Variants in HAPLN1 observed in about 807,000 individuals in gnomAD.
The protein encoded by HAPLN1 is Cartilage link protein.
Under a neutral mutation model 36.5 loss-of-function variants are expected in HAPLN1, and 13 were observed. The ratio of observed to expected loss-of-function variants is 0.36; its 90% CI spans 0.23 to 0.57. HAPLN1 has a LOEUF of 0.57. Ranked by LOEUF, HAPLN1 falls within the 20% of genes least tolerant of loss-of-function variation. The probability of loss-of-function intolerance (pLI) is 0.83; values close to 1 mark genes in which losing one functional copy is unlikely to be tolerated. For missense variants in HAPLN1, 407 were observed against 439.7 expected (o/e 0.93, Z 0.66); for synonymous variants, 202 against 169.8 (o/e 1.19, Z -1.48).
intron 1 of HAPLN1, among the ~76,000 whole-genome samples, chr5:83,676,185 C>G (rs71594677): frequency 1.0e-5 from 1 of 97,930 alleles, no homozygotes; most frequent in South Asian, 2.8e-4. Flanking sequence ...CACAGAGATA[C>G]GCACACATAT....
At chr5:83,684,774 A>C (rs1751083409) in intron 1 of HAPLN1, among the ~76,000 whole-genome samples, 1 of 152,148 alleles carries the variant, frequency 6.6e-6, no homozygotes, top group Non-Finnish European at 1.5e-5. Context: ...TTCCTAGTGC[A>C]ATCAGGCATT....
chr5:83,715,002 G>A (rs2112642046), intron 1 of HAPLN1, among the ~76,000 whole-genome samples: 1 of 152,336 alleles, frequency 6.6e-6, no homozygotes, highest in Non-Finnish European at 1.5e-5. Context: ...TCAGCTGAAA[G>A]GAGCCAGTAG....
rs1485579241 is a variant in HAPLN1, at chr5:83,640,440, G to T, written c.*1056C>A. The T allele has an allele frequency of 6.6e-6, 1 of 152,026 alleles. No homozygotes were observed. Among genetic ancestry groups the T allele is most frequent in the Non-Finnish European group, 1.5e-5 (1 of 67,996 alleles). The allele number at this position is 152,026 out of a possible 1,614,324, so 9.4% of individuals were successfully genotyped here. ...TCCCCCCAAACACAGGCACTGGTTGGGTTCTCTCGTGTATATACAAATAGG... is the reference window on the plus strand; with the variant it reads ...TCCCCCCAAACACAGGCACTGGTTGTGTTCTCTCGTGTATATACAAATAGG... On this transcript the variant is annotated 3_prime_UTR_variant, in exon 5 of 5. Transcript: ENST00000274341.
Position 83,640,405 on chromosome 5 carries a change from T to A in HAPLN1, c.*1091A>T, listed in dbSNP as rs933782829. 5 of 152,128 alleles carry A rather than the reference T, an allele frequency of 3.3e-5. No individual in the cohort carries two copies. The highest frequency in any genetic ancestry group is 1.2e-4 in the African/African-American group (5 of 41,452). 9.4% of individuals were successfully genotyped at this position (152,128 alleles called of 1,614,324 possible). The stretch of plus-strand genomic sequence containing the variant: ...TTTGGGATAAGGTTTAGAACTACAC[T>A]GTTGACTTTTCCCCCCAAACACAGG... On this transcript the variant is annotated 3_prime_UTR_variant, in exon 5 of 5. Transcript: ENST00000274341.
chr5:83,690,525 G>T (rs1387438055), intron 1 of HAPLN1, among the ~76,000 whole-genome samples: 1 of 152,030 alleles, frequency 6.6e-6, no homozygotes, highest in Non-Finnish European at 1.5e-5. Context: ...GAATAAGTAA[G>T]ATTGGGGTAA....
intron 2 of HAPLN1, among the ~76,000 whole-genome samples, chr5:83,664,893 G>A (rs946479746): frequency 3.8e-4 from 58 of 151,962 alleles, no homozygotes; most frequent in African/African-American, 1.3e-3. Context: ...CTGTTTATAC[G>A]GAAACATTTA....
chr5:83,676,569 G>A (rs1750866009), intron 1 of HAPLN1, among the ~76,000 whole-genome samples: 1 of 152,196 alleles, frequency 6.6e-6, no homozygotes, highest in South Asian at 2.1e-4. Context: ...GGGTCTAAGT[G>A]CTGGTCCCAG....
At chr5:83,659,728 C>G (rs959507800) in intron 2 of HAPLN1, among the ~76,000 whole-genome samples, 3 of 151,910 alleles carry the variant, frequency 2.0e-5, no homozygotes, top group African/African-American at 4.8e-5. Flanking sequence ...CTCAGTATAC[C>G]TATTGCTGTG....
At chr5:83,653,005 T>G (rs1750115976) in intron 2 of HAPLN1, among the ~76,000 whole-genome samples, 181 bp from the exon 3 acceptor site, 1 of 152,172 alleles carries the variant, frequency 6.6e-6, no homozygotes, top group South Asian at 2.1e-4. Flanking sequence ...AGAAGGTATC[T>G]CTAAAGTAGT....
At chr5:83,647,365 G>A (rs533284772) in intron 3 of HAPLN1, among the ~76,000 whole-genome samples, 120 of 152,240 alleles carry the variant, frequency 7.9e-4, no homozygotes, top group African/African-American at 2.7e-3. Context: ...GTGCTGGAAA[G>A]AACATATTCC....
intron 2 of HAPLN1, among the ~76,000 whole-genome samples, chr5:83,658,387 T>C (rs1283298756): frequency 1.3e-5 from 2 of 152,174 alleles, no homozygotes; most frequent in African/African-American, 4.8e-5. Context: ...GACTGAAATA[T>C]ACTAGTGCTG....
intron 2 of HAPLN1, among the ~76,000 whole-genome samples, chr5:83,670,856 G>A (rs336967): frequency 0.47 from 70,865 of 151,644 alleles, 17,718 homozygotes; most frequent in East Asian, 0.71. Flanking sequence ...CACCACGCCC[G>A]GCTAATTTTT....
rs146750094 is a variant in HAPLN1 at position 83,675,556 on chromosome 5, G to A, written c.-26-2007C>T. Among the ~76,000 whole-genome samples the A allele has an allele frequency of 8.5e-4, 129 of 152,204 alleles. 1 individual carries two copies. Among genetic ancestry groups the A allele is most frequent in the African/African-American group, 2.5e-3 (102 of 41,526 alleles). ...ACTGCAACCATCTTGAATTTCATTC[G>A]TCTTAAAAATATATGACACATCTAT... is the stretch of plus-strand genomic sequence containing the variant. On this transcript the variant is annotated intron_variant, in intron 1 of 4. Coordinates refer to ENST00000274341, the MANE Select transcript of HAPLN1 (RefSeq NM_001884.4).
chr5:83,657,187 C>T (rs1750243418), intron 2 of HAPLN1, among the ~76,000 whole-genome samples: 1 of 151,896 alleles, frequency 6.6e-6, no homozygotes, highest in Admixed American at 6.6e-5. Flanking sequence ...CCACTGCCTC[C>T]CGGGTTCAAG....
At chr5:83,666,283 G>A (rs566004830) in intron 2 of HAPLN1, among the ~76,000 whole-genome samples, 1 of 152,212 alleles carries the variant, frequency 6.6e-6, no homozygotes, top group South Asian at 2.1e-4. Flanking sequence ...TGAAATCACT[G>A]TAATACTAAG....
intron 2 of HAPLN1, among the ~76,000 whole-genome samples, chr5:83,671,711 A>G (rs1170213686): frequency 3.3e-5 from 5 of 152,230 alleles, no homozygotes; most frequent in Admixed American, 3.3e-4. Context: ...GCATAACATC[A>G]TAATCCTATG....
At chr5:83,697,710 C>T (rs1158695263) in intron 1 of HAPLN1, among the ~76,000 whole-genome samples, 2 of 152,024 alleles carry the variant, frequency 1.3e-5, no homozygotes, top group Non-Finnish European at 2.9e-5. Context: ...TTATTGTATG[C>T]CTTTTTCATT....
intron 1 of HAPLN1, among the ~76,000 whole-genome samples, chr5:83,714,360 T>C (rs1041252782): frequency 1.3e-5 from 2 of 152,136 alleles, no homozygotes; most frequent in East Asian, 3.8e-4. Flanking sequence ...TAATGGGGTA[T>C]AATAAAAAAA....
chr5:83,700,496 G>T (rs895177167), intron 1 of HAPLN1, among the ~76,000 whole-genome samples: 1 of 152,028 alleles, frequency 6.6e-6, no homozygotes, highest in African/African-American at 2.4e-5. Context: ...AGGCAAGGAG[G>T]AATAGAGAAA....
Sources: gnomAD v4.1 joint callset for allele counts (sites outside exome capture counted in the v4.1 genomes callset) on GRCh38, gnomAD v4.1.1 for gene constraint, MANE v1.5 for transcripts, NCBI Gene and HGNC (gene_info 2026-07-23, HGNC 2026-07-21) for gene names.